SLC44A5: variants seen among roughly 807,000 people sequenced by gnomAD.
The protein encoded by SLC44A5 is solute carrier family 44 member 5.
In SLC44A5, 57 loss-of-function variants were observed where a neutral mutation model predicts 101.8. The observed-to-expected ratio is 0.56, with a 90% CI of 0.45 to 0.70. The LOEUF (loss-of-function observed/expected upper bound fraction) is 0.70, where lower values mean the gene tolerates loss of function less well. Among genes scored for constraint, SLC44A5 ranks in the 30% least tolerant of loss-of-function variants. SLC44A5 has a pLI of 0.00. For missense variants in SLC44A5, 737 were observed against 853.1 expected (o/e 0.86, Z 1.70); for synonymous variants, 281 against 290.9 (o/e 0.97, Z 0.35).
the SLC44A5 span, among the ~76,000 whole-genome samples, chr1:75,642,593 A>G: frequency 6.6e-6 from 1 of 152,158 alleles, no homozygotes; most frequent in African/African-American, 2.4e-5. Context: ...ATCTTCAGGA[A>G]GAAGAGAGAA....
chr1:75,569,329 C>T (rs896133414), intron 1 of SLC44A5, among the ~76,000 whole-genome samples: 2 of 149,868 alleles, frequency 1.3e-5, no homozygotes, highest in Non-Finnish European at 3.0e-5. Context: ...CAGCTTCTAC[C>T]TCCCAGGCTC....
intron 2 of SLC44A5, chr1:75,537,914 G>T (rs1671144222): frequency 6.6e-6 from 1 of 152,082 alleles, no homozygotes; most frequent in Non-Finnish European, 1.5e-5. Context: ...GTTTTCTGAG[G>T]GGGACAGAGA....
At chr1:75,333,593 T>C (rs1274612293) in intron 4 of SLC44A5, among the ~76,000 whole-genome samples, 1 of 152,196 alleles carries the variant, frequency 6.6e-6, no homozygotes, top group African/African-American at 2.4e-5. Context: ...ATGCTTTCTA[T>C]GTGCCAGGCA....
intron 2 of SLC44A5, among the ~76,000 whole-genome samples, chr1:75,533,294 A>G (rs1212773958): frequency 6.6e-6 from 1 of 152,236 alleles, no homozygotes; most frequent in Non-Finnish European, 1.5e-5. Context: ...AGTCTGTGTC[A>G]TTCATGCAAT....
intron 9 of SLC44A5, among the ~76,000 whole-genome samples, chr1:75,240,422 T>C (rs564176699): frequency 6.6e-6 from 1 of 152,226 alleles, no homozygotes; most frequent in East Asian, 1.9e-4. Flanking sequence ...CTACGCCTTA[T>C]TCATTTTTGT....
intron 2 of SLC44A5, among the ~76,000 whole-genome samples, chr1:75,484,613 G>T (rs1230993646): frequency 6.6e-6 from 1 of 152,216 alleles, no homozygotes; most frequent in African/African-American, 2.4e-5. Flanking sequence ...GGGTCTGGAG[G>T]ATGGTGGCCC....
At chr1:75,502,382 G>A (rs553924440) in intron 2 of SLC44A5, among the ~76,000 whole-genome samples, 3 of 152,240 alleles carry the variant, frequency 2.0e-5, no homozygotes, top group East Asian at 1.9e-4. Context: ...TGTATATCTG[G>A]CAGCATGTTT....
intron 6 of SLC44A5, among the ~76,000 whole-genome samples, chr1:75,252,793 A>G (rs1419670897): frequency 6.6e-6 from 1 of 152,212 alleles, no homozygotes; most frequent in Non-Finnish European, 1.5e-5. Flanking sequence ...GCAGCAGTAA[A>G]ACAGCCCATC....
At chr1:75,364,349 C>T (rs1005187912) in intron 3 of SLC44A5, among the ~76,000 whole-genome samples, 4 of 152,096 alleles carry the variant, frequency 2.6e-5, no homozygotes, top group African/African-American at 9.7e-5. Flanking sequence ...GGTGAAGGTG[C>T]AACAGGAACA....
At chr1:75,537,521 GA>G (rs60035103) in intron 2 of SLC44A5, among the ~76,000 whole-genome samples, 7,506 of 152,258 alleles carry the variant, frequency 0.049, 225 homozygotes, top group Middle Eastern at 0.088. Flanking sequence ...AAGGAGGAGA[GA>G]AAGAAATGCA....
At chr1:75,580,260 T>G (rs1673609013) in intron 1 of SLC44A5, among the ~76,000 whole-genome samples, 1 of 152,178 alleles carries the variant, frequency 6.6e-6, no homozygotes, top group Non-Finnish European at 1.5e-5. Flanking sequence ...AAGCAAAACT[T>G]TAAGTTGTAG....
At chr1:75,661,180 T>C in the SLC44A5 span, among the ~76,000 whole-genome samples, 3 of 151,584 alleles carry the variant, frequency 2.0e-5, no homozygotes, top group Non-Finnish European at 4.4e-5. Flanking sequence ...CAGAAATAAA[T>C]CCACACATTT....
rs1291247975 is a variant in SLC44A5 at position 75,224,734 on chromosome 1, C to T, written c.986-2274G>A. Among the ~76,000 whole-genome samples the T allele has an allele frequency of 4.0e-5, 6 of 151,210 alleles. No homozygotes were observed. The East Asian group carries it at 1.2e-3, about 30-fold the overall frequency. On this transcript the variant is annotated intron_variant, in intron 13 of 23. Coordinates refer to ENST00000370859, the MANE Select transcript of SLC44A5 (RefSeq NM_001130058.2). ...TATAGGCATGAGCCACCACACCTGG[C>T]CTGTGCCTCCATTTTTAACAAAACA...
At chr1:75,311,553 C>G (rs1341492295) in intron 4 of SLC44A5, 1 of 984,892 alleles carries the variant, frequency 1.0e-6, no homozygotes, top group East Asian at 1.1e-4. Flanking sequence ...TACTAATATC[C>G]TCTTTTCTGC....
At chr1:75,238,771 T>C (rs1394007793) in intron 9 of SLC44A5, 135 bp from the exon 10 acceptor site, 3 of 482,238 alleles carry the variant, frequency 6.2e-6, no homozygotes, top group African/African-American at 6.0e-5. Context: ...AGATAGCTCA[T>C]TGCCTGTTAC....
intron 3 of SLC44A5, among the ~76,000 whole-genome samples, chr1:75,353,598 T>G (rs1658848523): frequency 6.6e-6 from 1 of 152,242 alleles, no homozygotes; most frequent in Admixed American, 6.5e-5. Context: ...GTTCTGCTAC[T>G]TTTTATTCAC....
chr1:75,324,871 A>C (rs929777885), intron 4 of SLC44A5, among the ~76,000 whole-genome samples: 2 of 152,184 alleles, frequency 1.3e-5, no homozygotes, highest in African/African-American at 4.8e-5. Flanking sequence ...TCAAATACCA[A>C]AGAATAACAA....
At chr1:75,485,422 A>C (rs1383660200) in intron 2 of SLC44A5, among the ~76,000 whole-genome samples, 1 of 152,238 alleles carries the variant, frequency 6.6e-6, no homozygotes, top group East Asian at 1.9e-4. Flanking sequence ...AAGCATAGGA[A>C]GAGTGACCTT....
intron 2 of SLC44A5, among the ~76,000 whole-genome samples, chr1:75,412,765 T>G (rs985569751): frequency 1.3e-5 from 2 of 152,186 alleles, no homozygotes. Flanking sequence ...CGCTGCCCTG[T>G]TCCTTCTTGC....
Sources: gnomAD v4.1 joint callset for allele counts (sites outside exome capture counted in the v4.1 genomes callset) on GRCh38, gnomAD v4.1.1 for gene constraint, MANE v1.5 for transcripts, NCBI Gene and HGNC (gene_info 2026-07-23, HGNC 2026-07-21) for gene names.